CACNA2D3: variants seen among roughly 807,000 people sequenced by gnomAD.
The protein encoded by CACNA2D3 is voltage-dependent calcium channel subunit alpha-2/delta-3.
Under a neutral mutation model 160.6 loss-of-function variants are expected in CACNA2D3, and 60 were observed. That is an observed-to-expected ratio of 0.37 (90% CI 0.30 to 0.46). The LOEUF (loss-of-function observed/expected upper bound fraction) is 0.46, where lower values mean the gene tolerates loss of function less well. Among genes scored for constraint, CACNA2D3 ranks in the 20% least tolerant of loss-of-function variants. The pLI is 1.00. For synonymous variants in CACNA2D3, 558 were observed against 492.9 expected (o/e 1.13, Z -1.75); for missense variants, 1,205 against 1,365.0 (o/e 0.88, Z 1.85).
intron 5 of CACNA2D3, among the ~76,000 whole-genome samples, chr3:54,531,112 T>C (rs1005708604): frequency 2.0e-5 from 3 of 152,280 alleles, no homozygotes; most frequent in African/African-American, 7.2e-5. Flanking sequence ...TGGTTTGCTC[T>C]GTCTTGTGTG....
At chr3:54,315,996 GAAA>G (rs201361398) in intron 2 of CACNA2D3, among the ~76,000 whole-genome samples, 2 of 151,968 alleles carry the variant, frequency 1.3e-5, no homozygotes, top group East Asian at 3.9e-4. Flanking sequence ...AAAGAAGAAA[GAAA>G]AAAAATCATT....
chr3:55,021,615 ATGTG>A (rs1316787642), intron 35 of CACNA2D3, among the ~76,000 whole-genome samples: 1 of 111,280 alleles, frequency 9.0e-6, no homozygotes, highest in African/African-American at 4.1e-5. Context: ...ATATATATAT[ATGTG>A]TGTGTGTATA....
chr3:54,603,873 G>A (rs1239474383), intron 9 of CACNA2D3, among the ~76,000 whole-genome samples: 1 of 151,116 alleles, frequency 6.6e-6, no homozygotes, highest in Non-Finnish European at 1.5e-5. Flanking sequence ...AGATATGCAT[G>A]CTTTAAAAAA....
intron 17 of CACNA2D3, among the ~76,000 whole-genome samples, chr3:54,858,006 A>T (rs970514710): frequency 6.6e-6 from 1 of 151,892 alleles, no homozygotes; most frequent in Non-Finnish European, 1.5e-5. Flanking sequence ...TATTTGAAGA[A>T]AGGATTTGAT....
chr3:54,964,830 G>A (rs1215886716), intron 27 of CACNA2D3, among the ~76,000 whole-genome samples: 2 of 146,354 alleles, frequency 1.4e-5, no homozygotes, highest in African/African-American at 5.1e-5. Flanking sequence ...TTTTTTTTTT[G>A]TTGCCTTGTT....
At position 55,018,252 on chromosome 3, in the gene CACNA2D3, A is replaced by G. The variant is rs772682902; in HGVS notation, c.2922A>G (p.Pro974=). ...QTLEPCDTEY[P]AFVSERTIKE... ...TGGAGCCTTGTGATACTGAATATCC[A>G]GCATTCGTCTCTGAGCGCACCATCA... is the stretch of plus-strand genomic sequence containing the variant. The change falls in exon 35 of 38, where the codon CCA becomes CCG. Residue 974 remains proline, a synonymous_variant. Transcript: ENST00000474759. 9 of 1,613,436 alleles carry G rather than the reference A, an allele frequency of 5.6e-6. No homozygotes were observed. In the Middle Eastern group the frequency reaches 9.9e-4, roughly 177 times the overall value.
At chr3:54,738,131 A>G (rs1701570665) in intron 11 of CACNA2D3, among the ~76,000 whole-genome samples, 1 of 152,202 alleles carries the variant, frequency 6.6e-6, no homozygotes, top group African/African-American at 2.4e-5. Context: ...TATTTTAGCA[A>G]GAAGGTTCCA....
At chr3:54,761,076 C>T (rs1702071780) in intron 12 of CACNA2D3, among the ~76,000 whole-genome samples, 1 of 152,182 alleles carries the variant, frequency 6.6e-6, no homozygotes, top group Non-Finnish European at 1.5e-5. Context: ...CCAACTCCCT[C>T]TCTATCCTAA....
chr3:54,501,579 C>T (rs1167294944), intron 4 of CACNA2D3, among the ~76,000 whole-genome samples: 1 of 151,446 alleles, frequency 6.6e-6, no homozygotes, highest in Non-Finnish European at 1.5e-5. Flanking sequence ...ACTAATTTGC[C>T]TGACTAATTT....
At chr3:54,256,294 T>A (rs186008878) in intron 2 of CACNA2D3, among the ~76,000 whole-genome samples, 2 of 152,300 alleles carry the variant, frequency 1.3e-5, no homozygotes, top group Admixed American at 1.3e-4. Context: ...TTAATATGCC[T>A]AGCATTCCAT....
chr3:54,363,196 A>AATATATATATATATATATATAT (rs377127378), intron 3 of CACNA2D3, among the ~76,000 whole-genome samples: 5 of 151,304 alleles, frequency 3.3e-5, no homozygotes, highest in African/African-American at 1.2e-4. Context: ...TCCATCTCCA[A>AATATATATATATATATATATAT]ATATATATAT....
intron 14 of CACNA2D3, among the ~76,000 whole-genome samples, chr3:54,828,075 C>T (rs977763578): frequency 8.5e-5 from 13 of 152,312 alleles, no homozygotes; most frequent in African/African-American, 2.9e-4. Context: ...ATCTGGTTCT[C>T]ATTTCCACTT....
At position 55,074,387 on chromosome 3, in the gene CACNA2D3, T is replaced by TATC. The variant is rs1227565890; in HGVS notation, c.*182_*184dup. 14 of 583,356 alleles carry TATC rather than the reference T, an allele frequency of 2.4e-5. No individual in the cohort carries two copies. The highest frequency in any genetic ancestry group is 1.2e-4 in the East Asian group (4 of 34,714). The allele number at this position is 583,356 out of a possible 1,614,324, so 36.1% of individuals were successfully genotyped here. A position where few individuals can be genotyped will look rare whatever the true frequency, so the allele number is the denominator to read the frequency against. On this transcript the variant is annotated 3_prime_UTR_variant, in exon 38 of 38. Coordinates refer to ENST00000474759, the MANE Select transcript of CACNA2D3 (RefSeq NM_018398.3). Reference sequence around the variant, plus strand: ...TCTTAAAGATATGTTGACAAAAAGTTATCTATCATCTTTTTACTTTGCCAG... The same window carrying TATC: ...TCTTAAAGATATGTTGACAAAAAGTTATCATCTATCATCTTTTTACTTTGCCAG...
rs77199263 is a variant in CACNA2D3 at position 54,390,733 on chromosome 3, C to G, written c.381+3959C>G. Among the ~76,000 whole-genome samples the G allele has an allele frequency of 2.8e-3, 426 of 152,244 alleles. 2 individuals carry two copies. The highest frequency in any genetic ancestry group is 4.0e-3 in the Non-Finnish European group (270 of 68,010). ...ACTGAAGCTTCTATGCTATTAAGTG[C>G]AAGTATATTAACAGCTTGGGTGTCA... On this transcript the variant is annotated intron_variant, in intron 4 of 37. Transcript: ENST00000474759.
chr3:54,199,787 A>T (rs1011159973), intron 2 of CACNA2D3, among the ~76,000 whole-genome samples: 1 of 152,224 alleles, frequency 6.6e-6, no homozygotes, highest in Middle Eastern at 3.2e-3. Context: ...ATGGCAAATT[A>T]TGTTGGTATT....
At chr3:54,360,848 G>T (rs1698729524) in intron 3 of CACNA2D3, among the ~76,000 whole-genome samples, 1 of 152,120 alleles carries the variant, frequency 6.6e-6, no homozygotes, top group Admixed American at 6.5e-5. Flanking sequence ...GATTTATATG[G>T]TCCAATCAAG....
intron 27 of CACNA2D3, among the ~76,000 whole-genome samples, chr3:54,948,984 G>A (rs986700534): frequency 1.3e-5 from 2 of 152,204 alleles, no homozygotes; most frequent in Non-Finnish European, 2.9e-5. Context: ...GGTACAGTTG[G>A]ATCTGGGGCT....
chr3:54,230,766 A>G (rs1054214074), intron 2 of CACNA2D3, among the ~76,000 whole-genome samples: 4 of 152,228 alleles, frequency 2.6e-5, no homozygotes, highest in East Asian at 1.9e-4. Flanking sequence ...TTTCAACAAT[A>G]TTTTATATAG....
At chr3:54,165,056 C>T (rs982603741) in intron 2 of CACNA2D3, among the ~76,000 whole-genome samples, 4 of 151,546 alleles carry the variant, frequency 2.6e-5, no homozygotes, top group African/African-American at 7.3e-5. Flanking sequence ...TTAGCCCCAG[C>T]TCTGCCTCTT....
Sources: allele counts gnomAD v4.1 joint callset (sites outside exome capture counted in the v4.1 genomes callset), GRCh38; gene constraint gnomAD v4.1.1; transcripts MANE v1.5; gene names NCBI Gene and HGNC (gene_info 2026-07-23, HGNC 2026-07-21).